Variants in PDGFD observed in about 807,000 individuals in gnomAD.
PDGFD encodes platelet derived growth factor D, also known as platelet-derived growth factor D.
PDGFD carries 30 observed loss-of-function variants against 44.7 expected under a neutral mutation model. The observed-to-expected ratio is 0.67, with a 90% CI of 0.50 to 0.91. The LOEUF (loss-of-function observed/expected upper bound fraction) is 0.91, where lower values mean the gene tolerates loss of function less well. PDGFD is among the 40% of genes least tolerant of loss of function. The pLI, the probability that PDGFD is intolerant of heterozygous loss-of-function variation, is 0.00. For missense variants in PDGFD, 445 were observed against 457.8 expected, an observed-to-expected ratio of 0.97 and a Z score of 0.25; for synonymous variants, 173 against 168.4, an observed-to-expected ratio of 1.03 and a Z score of -0.21.
chr11:104,031,020 C>T lies in PDGFD; in HGVS notation c.125-30765G>A, dbSNP rs372341490. On this transcript the variant is annotated intron_variant, in intron 1 of 6. Coordinates refer to ENST00000393158, the MANE Select transcript of PDGFD (RefSeq NM_025208.5). ...ATGGATTAAAGCCTTAAATGTAATA[C>T]GCAAAACGATCAAAACCCTAGAAGA... Among the ~76,000 whole-genome samples the T allele has an allele frequency of 3.4e-4, 52 of 152,210 alleles. No individual in the cohort carries two copies. In the South Asian group the frequency reaches 4.1e-3, roughly 12 times the overall value.
chr11:104,129,610 A>G (rs1270158865), intron 1 of PDGFD, among the ~76,000 whole-genome samples: 1 of 152,168 alleles, frequency 6.6e-6, no homozygotes, highest in African/African-American at 2.4e-5. Context: ...AAAAATTGCC[A>G]TCTTAGAAGT....
Position 104,037,100 on chromosome 11 carries a change from G to C in PDGFD, c.125-36845C>G, listed in dbSNP as rs370289815. The C allele has an allele frequency of 5.1e-5, 82 of 1,614,036 alleles. 1 individual carries two copies. The highest frequency in any genetic ancestry group is 6.5e-5 in the Non-Finnish European group (77 of 1,180,046). On this transcript the variant is annotated intron_variant, in intron 1 of 6. Coordinates refer to ENST00000393158, the MANE Select transcript of PDGFD (RefSeq NM_025208.5). ...CCAGGGCGTGCCCCGAACCAGCCTC[G>C]TGTAGACTTCAGTGGCATTGCGGTG...
At chr11:104,108,975 C>T (rs1861508282) in intron 1 of PDGFD, among the ~76,000 whole-genome samples, 1 of 149,504 alleles carries the variant, frequency 6.7e-6, no homozygotes. Flanking sequence ...ACCGCATGTT[C>T]TCACTCATAG....
rs561211426 is a variant in PDGFD, at chr11:103,973,362, T to G, written c.510+22703A>C. ...CGAGGTTTCACCGTGTTAGCCGGGA[T>G]GGTCTCGATCTCCCGACCTCAAGAT... On this transcript the variant is annotated intron_variant, in intron 3 of 6. Transcript: ENST00000393158. Among the ~76,000 whole-genome samples, 59 of 151,372 alleles carry G rather than the reference T, an allele frequency of 3.9e-4. 2 individuals carry two copies. The South Asian group carries it at 0.012, about 30-fold the overall frequency.
intron 1 of PDGFD, among the ~76,000 whole-genome samples, chr11:104,019,099 T>C (rs1859910944): frequency 1.3e-5 from 2 of 152,208 alleles, no homozygotes; most frequent in African/African-American, 4.8e-5. Flanking sequence ...GACAACTCTT[T>C]TCCTTAAAAA....
At chr11:104,084,008 A>C (rs1352838210) in intron 1 of PDGFD, among the ~76,000 whole-genome samples, 1 of 152,212 alleles carries the variant, frequency 6.6e-6, no homozygotes, top group African/African-American at 2.4e-5. Flanking sequence ...CAACTCCTTT[A>C]TAGATTTAAA....
At chr11:103,952,835 A>C (rs1475829120) in intron 3 of PDGFD, among the ~76,000 whole-genome samples, 1 of 152,220 alleles carries the variant, frequency 6.6e-6, no homozygotes, top group East Asian at 1.9e-4. Context: ...ATATTTTGGC[A>C]GTGAAACTAA....
At chr11:104,078,464 T>C (rs1296878209) in intron 1 of PDGFD, among the ~76,000 whole-genome samples, 1 of 121,678 alleles carries the variant, frequency 8.2e-6, no homozygotes, top group Admixed American at 7.9e-5. Flanking sequence ...TTCCTCTTTC[T>C]TACTGACTCC....
chr11:103,915,398 T>C (rs1464880275), intron 6 of PDGFD, among the ~76,000 whole-genome samples: 1 of 152,024 alleles, frequency 6.6e-6, no homozygotes, highest in African/African-American at 2.4e-5. Flanking sequence ...AAGGGACACG[T>C]AGGAACTCTT....
chr11:104,141,964 T>C (rs1011510316), intron 1 of PDGFD, among the ~76,000 whole-genome samples: 1 of 152,230 alleles, frequency 6.6e-6, no homozygotes, highest in Admixed American at 6.5e-5. Context: ...ACCATCTTTA[T>C]AGCCTGGCTT....
At chr11:103,948,805 C>T (rs1329988225) in intron 3 of PDGFD, among the ~76,000 whole-genome samples, 2 of 151,850 alleles carry the variant, frequency 1.3e-5, no homozygotes, top group Non-Finnish European at 2.9e-5. Flanking sequence ...TATAAATTTC[C>T]TGTGTTTAAT....
intron 6 of PDGFD, among the ~76,000 whole-genome samples, chr11:103,924,977 C>T (rs187599089): frequency 5.9e-5 from 9 of 152,176 alleles, no homozygotes; most frequent in East Asian, 3.9e-4. Flanking sequence ...CCCAACCCAC[C>T]GACAGCCCCC....
intron 1 of PDGFD, among the ~76,000 whole-genome samples, chr11:104,119,969 T>G (rs1174972835): frequency 1.4e-5 from 2 of 141,014 alleles, no homozygotes; most frequent in Non-Finnish European, 3.0e-5. Flanking sequence ...ATATTTATAT[T>G]ACATAGTATC....
chr11:104,081,635 A>G (rs894840772), intron 1 of PDGFD, among the ~76,000 whole-genome samples: 7 of 152,222 alleles, frequency 4.6e-5, no homozygotes, highest in African/African-American at 1.7e-4. Flanking sequence ...TTCTGCAATT[A>G]CAGCTGTTGA....
intron 1 of PDGFD, among the ~76,000 whole-genome samples, chr11:104,018,563 A>T (rs376622948): frequency 1.3e-5 from 2 of 152,112 alleles, no homozygotes; most frequent in East Asian, 3.9e-4. Flanking sequence ...TCTGTATAGG[A>T]AGATGTCTTT....
intron 1 of PDGFD, among the ~76,000 whole-genome samples, chr11:104,071,757 G>A (rs975640403): frequency 2.0e-5 from 3 of 151,268 alleles, no homozygotes; most frequent in Admixed American, 6.6e-5. Context: ...AGATTAATAA[G>A]GAAGTCACCT....
chr11:104,049,204 G>A lies in PDGFD; in HGVS notation c.125-48949C>T, dbSNP rs145193664. Among the ~76,000 whole-genome samples the A allele has an allele frequency of 5.0e-3, 756 of 152,294 alleles. 8 individuals carry two copies. Among genetic ancestry groups the A allele is most frequent in the African/African-American group, 0.017 (718 of 41,554 alleles). On this transcript the variant is annotated intron_variant, in intron 1 of 6. Coordinates refer to ENST00000393158, the MANE Select transcript of PDGFD (RefSeq NM_025208.5). ...GTTCAGGAACATGGGGCAATGGAAC[G>A]GGGATATAGTAGTTTAGACAACAGG...
intron 3 of PDGFD, among the ~76,000 whole-genome samples, chr11:103,985,344 C>T (rs949307532): frequency 5.3e-5 from 8 of 150,818 alleles, no homozygotes; most frequent in African/African-American, 9.9e-5. Context: ...GGACTACAGG[C>T]GTGCACCACC....
chr11:104,129,479 G>A (rs1861886424), intron 1 of PDGFD, among the ~76,000 whole-genome samples: 1 of 152,060 alleles, frequency 6.6e-6, no homozygotes. Flanking sequence ...CCAGGAGCAG[G>A]TTCTCTTTTT....
Sources: allele counts gnomAD v4.1 joint callset (sites outside exome capture counted in the v4.1 genomes callset), GRCh38; gene constraint gnomAD v4.1.1; transcripts MANE v1.5; gene names NCBI Gene and HGNC (gene_info 2026-07-23, HGNC 2026-07-21).